MYO18B: variants seen among roughly 807,000 people sequenced by gnomAD.
MYO18B encodes myosin XVIIIB, also known as unconventional myosin-XVIIIb.
MYO18B carries 204 observed loss-of-function variants against 273.0 expected under a neutral mutation model. The observed-to-expected ratio is 0.75, with a 90% CI of 0.67 to 0.84. The LOEUF is 0.84. Ranked by LOEUF, MYO18B falls within the 40% of genes least tolerant of loss-of-function variation. MYO18B has a pLI of 0.00. For missense variants in MYO18B, 3,212 were observed against 3,287.6 expected, an observed-to-expected ratio of 0.98 and a Z score of 0.56; for synonymous variants, 1,330 against 1,305.7, an observed-to-expected ratio of 1.02 and a Z score of -0.40.
At chr22:25,826,082 A>G (rs2089478887) in intron 13 of MYO18B, among the ~76,000 whole-genome samples, 1 of 152,194 alleles carries the variant, frequency 6.6e-6, no homozygotes, top group Non-Finnish European at 1.5e-5. Flanking sequence ...TGCTATTAGA[A>G]GCAACACAGA....
intron 33 of MYO18B, among the ~76,000 whole-genome samples, chr22:25,918,016 C>T (rs1235444908): frequency 1.3e-5 from 2 of 152,096 alleles, no homozygotes. Context: ...CAAGTTAGTA[C>T]CCTAGGCGGA....
the MYO18B span, among the ~76,000 whole-genome samples, chr22:26,062,888 C>T: frequency 6.6e-6 from 1 of 152,154 alleles, no homozygotes; most frequent in Non-Finnish European, 1.5e-5. Context: ...CGGGAGAAGA[C>T]AGATGGAGCA....
At chr22:26,037,144 G>C in the MYO18B span, among the ~76,000 whole-genome samples, 3 of 152,246 alleles carry the variant, frequency 2.0e-5, 1 homozygote, top group Admixed American at 2.0e-4. Flanking sequence ...ACAAACCTGG[G>C]CCTGCCTGCT....
chr22:26,056,566 C>G, the MYO18B span, among the ~76,000 whole-genome samples: 1 of 152,222 alleles, frequency 6.6e-6, no homozygotes, highest in African/African-American at 2.4e-5. Context: ...CCACAAGAAT[C>G]TAACTTGATC....
intron 39 of MYO18B, among the ~76,000 whole-genome samples, chr22:25,978,761 C>T (rs531641157): frequency 2.0e-5 from 3 of 152,248 alleles, no homozygotes; most frequent in South Asian, 4.2e-4. Context: ...CGAGACCAGC[C>T]CTGCCAACAT....
Position 25,883,320 on chromosome 22 carries a change from C to T in MYO18B, c.4314+5272C>T, listed in dbSNP as rs920728501. The T allele has an allele frequency of 8.5e-5, 13 of 152,246 alleles. No individual in the cohort carries two copies. The highest frequency in any genetic ancestry group is 3.2e-3 in the Middle Eastern group (1 of 316). 9.4% of individuals were successfully genotyped at this position (152,246 alleles called of 1,614,324 possible). A position where few individuals can be genotyped will look rare whatever the true frequency, so the allele number is the denominator to read the frequency against. On this transcript the variant is annotated intron_variant, in intron 25 of 43. Coordinates refer to ENST00000335473, the MANE Select transcript of MYO18B (RefSeq NM_032608.7). The surrounding 1 kb of genome is among the most constrained non-coding windows in gnomAD (Gnocchi z 7.6). ...TGGGGGGTAGGGAGCCCTCCAGCCC[C>T]TAGGCAATCCTGATTCAGAGGGTGA...
intron 33 of MYO18B, among the ~76,000 whole-genome samples, chr22:25,918,968 G>A (rs1164857140): frequency 6.6e-6 from 1 of 152,096 alleles, no homozygotes; most frequent in Non-Finnish European, 1.5e-5. Context: ...ATGACATTGG[G>A]CAGATCATTT....
intron 12 of MYO18B, among the ~76,000 whole-genome samples, chr22:25,817,962 G>C (rs1296267227): frequency 1.3e-5 from 2 of 152,158 alleles, no homozygotes; most frequent in East Asian, 3.9e-4. Flanking sequence ...AGTGAGGAAG[G>C]GAAATGGGGT....
At chr22:25,761,188 G>A (rs1462724200) in intron 2 of MYO18B, 57 bp downstream of exon 2, 35 of 1,595,442 alleles carry the variant, frequency 2.2e-5, no homozygotes, top group Admixed American at 3.3e-5. Flanking sequence ...CTCGACCCTC[G>A]GGAGACAAGT....
intron 39 of MYO18B, among the ~76,000 whole-genome samples, chr22:25,980,556 G>C (rs2093138631): frequency 6.6e-6 from 1 of 152,116 alleles, no homozygotes; most frequent in African/African-American, 2.4e-5. Context: ...GAGTCAAATA[G>C]ATGTTATCTA....
chr22:25,780,416 C>T (rs2087091477), intron 9 of MYO18B, among the ~76,000 whole-genome samples: 2 of 151,560 alleles, frequency 1.3e-5, no homozygotes, highest in Non-Finnish European at 2.9e-5. Flanking sequence ...CATGGTAAAA[C>T]CCCGTCTCTA....
the MYO18B span, among the ~76,000 whole-genome samples, chr22:26,040,678 G>A: frequency 2.0e-5 from 3 of 152,208 alleles, no homozygotes; most frequent in Non-Finnish European, 4.4e-5. Context: ...AACCAGCCTT[G>A]TCTTGAACTT....
the MYO18B span, among the ~76,000 whole-genome samples, chr22:26,047,695 A>G: frequency 1.3e-5 from 2 of 152,170 alleles, no homozygotes; most frequent in African/African-American, 4.8e-5. Flanking sequence ...AAAATAAATC[A>G]TATTAATAAT....
At chr22:26,014,119 AT>A (rs1301334666) in intron 42 of MYO18B, among the ~76,000 whole-genome samples, 1 of 152,144 alleles carries the variant, frequency 6.6e-6, no homozygotes, top group Non-Finnish European at 1.5e-5. Context: ...TAGACATTGT[AT>A]TGATTTACCT....
rs2086750964 is a variant in MYO18B, at chr22:25,772,335, C to CCAA, written c.1696_1698dup (p.Asn566dup). On this transcript the variant is annotated inframe_insertion and splice_region_variant, in exon 7 of 44. Transcript: ENST00000335473. ...AGACTCTGTGTGATGGTTTCACAGG[C>CCAA]CAACCCTCCTGAGCTGGACCAGGTC... The CCAA allele has an allele frequency of 6.2e-7, 1 of 1,612,860 alleles. No homozygotes were observed. Among genetic ancestry groups the CCAA allele is most frequent in the Non-Finnish European group, 8.5e-7 (1 of 1,179,324 alleles).
At chr22:25,940,942 T>G (rs918175485) in intron 34 of MYO18B, among the ~76,000 whole-genome samples, 8 of 152,230 alleles carry the variant, frequency 5.3e-5, no homozygotes, top group Non-Finnish European at 1.2e-4. Flanking sequence ...CCTCCGTAGA[T>G]GCCTGCCTTG....
Position 25,877,993 on chromosome 22 carries a change from A to C in MYO18B, c.4259A>C (p.Lys1420Thr), listed in dbSNP as rs753672014. ...ELTTLRRKLE[K>T]SEKLRNELRQ... ...ACAACGCTAAGACGGAAGCTAGAAA[A>C]ATCAGAGAAGTTGCGGAATGAACTC... Residue 1420 changes from lysine to threonine, a missense_variant, in exon 25 of 44, where the codon AAA becomes ACA. Coordinates refer to ENST00000335473, the MANE Select transcript of MYO18B (RefSeq NM_032608.7). The C allele has an allele frequency of 1.9e-6, 3 of 1,583,634 alleles. No homozygotes were observed. The highest frequency in any genetic ancestry group is 2.6e-6 in the Non-Finnish European group (3 of 1,164,478).
chr22:25,784,496 C>T (rs2087295381), intron 10 of MYO18B, among the ~76,000 whole-genome samples: 1 of 152,210 alleles, frequency 6.6e-6, no homozygotes, highest in Non-Finnish European at 1.5e-5. Context: ...GGACTTGAAG[C>T]CTAGCTGGTA....
chr22:25,929,747 A>T (rs369196659), intron 34 of MYO18B, among the ~76,000 whole-genome samples: 111 of 152,230 alleles, frequency 7.3e-4, no homozygotes, highest in African/African-American at 2.5e-3. Flanking sequence ...TAGCTCTGAA[A>T]TGCATCCCCC....
Sources: allele counts gnomAD v4.1 joint callset (sites outside exome capture counted in the v4.1 genomes callset), GRCh38; gene constraint gnomAD v4.1.1; non-coding constraint Gnocchi (gnomAD v3.1); transcripts MANE v1.5; gene names NCBI Gene and HGNC (gene_info 2026-07-23, HGNC 2026-07-21).